The following C13orf42 variants were observed in gnomAD, a reference collection of about 807,000 sequenced individuals.
The protein encoded by C13orf42 is chromosome 13 open reading frame 42.
intron 1 of C13orf42, among the ~76,000 whole-genome samples, chr13:51,125,037 T>C (rs1215783999): frequency 6.6e-6 from 1 of 152,220 alleles, no homozygotes; most frequent in Non-Finnish European, 1.5e-5. Flanking sequence ...ACTAGTGTTT[T>C]TCTTCTCAAG....
intron 2 of C13orf42, 146 bp downstream of exon 2, chr13:51,087,782 G>A: frequency 2.5e-6 from 1 of 394,200 alleles, no homozygotes; most frequent in East Asian, 3.6e-5. Context: ...CCAGCTTGGA[G>A]GTGCAGGGTT....
At chr13:51,092,191 G>C (rs966077250) in intron 1 of C13orf42, among the ~76,000 whole-genome samples, 1 of 152,166 alleles carries the variant, frequency 6.6e-6, no homozygotes, top group African/African-American at 2.4e-5. Flanking sequence ...CTAGTTGGGG[G>C]ATAAATTACC....
rs1170849185 is a variant in C13orf42, at chr13:51,083,454, A to C, written c.*697T>G. 1 of 152,136 alleles carries C rather than the reference A, an allele frequency of 6.6e-6. No homozygotes were observed. Among genetic ancestry groups the C allele is most frequent in the Non-Finnish European group, 1.5e-5 (1 of 68,034 alleles). The allele number at this position is 152,136 out of a possible 1,614,324, so 9.4% of individuals were successfully genotyped here. A position where few individuals can be genotyped will look rare whatever the true frequency, so the allele number is the denominator to read the frequency against. The stretch of plus-strand genomic sequence containing the variant: ...AGAAGAAAAAGAAAAGAATCACCCC[A>C]TCTCCCTTCTTCTCTTGTCAATTGC... On this transcript the variant is annotated 3_prime_UTR_variant, in exon 4 of 4. Coordinates refer to ENST00000563710, the MANE Select transcript of C13orf42 (RefSeq NM_001351589.3).
At chr13:51,150,296 T>C (rs1359587315) in intron 1 of C13orf42, among the ~76,000 whole-genome samples, 2 of 152,226 alleles carry the variant, frequency 1.3e-5, no homozygotes, top group African/African-American at 2.4e-5. Flanking sequence ...CACTTGGTCA[T>C]TGTATGTCAC....
At chr13:51,088,175 A>T (rs571857514) in intron 1 of C13orf42, 100 bp from the exon 2 acceptor site, 6 of 396,098 alleles carry the variant, frequency 1.5e-5, no homozygotes, top group African/African-American at 8.2e-5. Flanking sequence ...GCGTGGGGTT[A>T]GGGATTTGTG....
At chr13:51,086,216 A>T (rs1414168896) in intron 2 of C13orf42, among the ~76,000 whole-genome samples, 2 of 151,526 alleles carry the variant, frequency 1.3e-5, no homozygotes, top group Non-Finnish European at 2.9e-5. Context: ...CTGAGGCAGG[A>T]GAATGGCGTG....
intron 1 of C13orf42, among the ~76,000 whole-genome samples, chr13:51,093,520 A>T (rs1241403771): frequency 6.6e-6 from 1 of 152,210 alleles, no homozygotes; most frequent in Non-Finnish European, 1.5e-5. Context: ...ACTGGTGGCT[A>T]CTGAATTGCA....
At chr13:51,157,001 G>T (rs1482378896) in intron 1 of C13orf42, among the ~76,000 whole-genome samples, 2 of 152,198 alleles carry the variant, frequency 1.3e-5, no homozygotes, top group Non-Finnish European at 2.9e-5. Context: ...TAAAATTTCA[G>T]TTCTCCTTAA....
chr13:51,151,898 G>C (rs529796056), intron 1 of C13orf42, among the ~76,000 whole-genome samples: 1 of 152,310 alleles, frequency 6.6e-6, no homozygotes, highest in South Asian at 2.1e-4. Flanking sequence ...GAAGGAAGCA[G>C]TTTTTTATTG....
intron 1 of C13orf42, among the ~76,000 whole-genome samples, chr13:51,165,207 A>C (rs1953894322): frequency 6.6e-6 from 1 of 152,176 alleles, no homozygotes; most frequent in African/African-American, 2.4e-5. Context: ...GAGCTGCCTT[A>C]TGCTGACTCT....
intron 1 of C13orf42, among the ~76,000 whole-genome samples, chr13:51,117,261 T>A (rs7324137): frequency 0.081 from 12,384 of 152,294 alleles, 576 homozygotes; most frequent in Middle Eastern, 0.13. Context: ...TTTTTCTAAA[T>A]GTATTCAGCA....
intron 1 of C13orf42, among the ~76,000 whole-genome samples, chr13:51,157,318 C>T (rs375863654): frequency 6.6e-6 from 1 of 152,156 alleles, no homozygotes; most frequent in African/African-American, 2.4e-5. Flanking sequence ...CGTGTAGTCC[C>T]AGCTACTCTG....
At chr13:51,154,585 A>G (rs1953810694) in intron 1 of C13orf42, among the ~76,000 whole-genome samples, 1 of 152,224 alleles carries the variant, frequency 6.6e-6, no homozygotes, top group Non-Finnish European at 1.5e-5. Context: ...GAAAAGTAAG[A>G]GACTGAGCAA....
Position 51,085,511 on chromosome 13 carries a change from C to T in C13orf42, c.611G>A (p.Arg204Gln), listed in dbSNP as rs1304317795. 4 of 398,616 alleles carry T rather than the reference C, an allele frequency of 1.0e-5. No individual in the cohort carries two copies. Among genetic ancestry groups the T allele is most frequent in the East Asian group, 3.6e-5 (1 of 28,064 alleles). The allele number at this position is 398,616 out of a possible 1,614,324, so 24.7% of individuals were successfully genotyped here. A position where few individuals can be genotyped will look rare whatever the true frequency, so the allele number is the denominator to read the frequency against. ...EHSLHSNWILRAPRRHSEDIA... is the reference protein window; with the variant it reads ...EHSLHSNWILQAPRRHSEDIA... ...ATCCTCGGAGTGTCTGCGCGGTGCC[C>T]GCAGGATCCAGTTAGAATGCAAGCT... is the stretch of plus-strand genomic sequence containing the variant. The change falls in exon 3 of 4, where the codon CGG (arginine) becomes CAG (glutamine). Residue 204 changes from arginine to glutamine, a missense_variant. By Grantham distance (43) the Arg-to-Gln change is conservative (BLOSUM62 1). Transcript: ENST00000563710.
intron 1 of C13orf42, among the ~76,000 whole-genome samples, chr13:51,169,406 G>C (rs9563031): frequency 0.14 from 20,653 of 150,322 alleles, 1,747 homozygotes; most frequent in South Asian, 0.33. Context: ...TTGTAGCCCA[G>C]CTATGTGGTA....
At chr13:51,135,217 C>T (rs1012951587) in intron 1 of C13orf42, among the ~76,000 whole-genome samples, 8 of 152,160 alleles carry the variant, frequency 5.3e-5, no homozygotes, top group East Asian at 1.9e-4. Flanking sequence ...AGTGCAGCTG[C>T]GGCTACAACT....
chr13:51,154,292 C>T (rs1424135351), intron 1 of C13orf42, among the ~76,000 whole-genome samples: 6 of 152,168 alleles, frequency 3.9e-5, no homozygotes, highest in Non-Finnish European at 8.8e-5. Context: ...CTGCCATGAA[C>T]ACGGTATGCA....
At chr13:51,171,166 G>T (rs1017230466) in intron 1 of C13orf42, among the ~76,000 whole-genome samples, 5 of 151,892 alleles carry the variant, frequency 3.3e-5, no homozygotes, top group Non-Finnish European at 5.9e-5. Flanking sequence ...CCCTTAGCCT[G>T]TGTTCTCAAA....
chr13:51,085,834 G>A (rs9596448), intron 2 of C13orf42, among the ~76,000 whole-genome samples: 7,180 of 152,318 alleles, frequency 0.047, 295 homozygotes, highest in African/African-American at 0.12. Context: ...CCAGTCACCT[G>A]AGGCCAGGAG....
Sources: gnomAD v4.1 joint callset for allele counts (sites outside exome capture counted in the v4.1 genomes callset) on GRCh38, gnomAD v4.1.1 for gene constraint, MANE v1.5 for transcripts, NCBI Gene and HGNC (gene_info 2026-07-23, HGNC 2026-07-21) for gene names.